PLCL1: variants seen among roughly 807,000 people sequenced by gnomAD.
PLCL1 encodes phospholipase C like 1 (inactive), also known as inactive phospholipase C-like protein 1.
In PLCL1, 41 loss-of-function variants were observed where a neutral mutation model predicts 84.4. The ratio of observed to expected loss-of-function variants is 0.49; its 90% CI spans 0.38 to 0.63. The LOEUF (loss-of-function observed/expected upper bound fraction) is 0.63, where lower values mean the gene tolerates loss of function less well. Ranked by LOEUF, PLCL1 falls within the 30% of genes least tolerant of loss-of-function variation. PLCL1 has a pLI of 0.00. For synonymous variants in PLCL1, 490 were observed against 488.3 expected, an observed-to-expected ratio of 1.00 and a Z score of -0.05; for missense variants, 1,206 against 1,367.8, an observed-to-expected ratio of 0.88 and a Z score of 1.87.
chr2:197,903,133 C>T (rs183052623), intron 1 of PLCL1, among the ~76,000 whole-genome samples: 1 of 152,048 alleles, frequency 6.6e-6, no homozygotes, highest in Non-Finnish European at 1.5e-5. Flanking sequence ...TAGGCGAAAC[C>T]ACGATAATTC....
intron 1 of PLCL1, among the ~76,000 whole-genome samples, chr2:198,052,041 C>T (rs1337770217): frequency 2.0e-5 from 3 of 152,222 alleles, no homozygotes; most frequent in Non-Finnish European, 4.4e-5. Context: ...TCCTGAGTAG[C>T]TGAGATTACA....
intron 1 of PLCL1, among the ~76,000 whole-genome samples, chr2:197,868,254 A>G (rs1687584563): frequency 6.6e-6 from 1 of 152,192 alleles, no homozygotes; most frequent in African/African-American, 2.4e-5. Context: ...ATGGCTAGGC[A>G]TTTACTGAAA....
intron 1 of PLCL1, among the ~76,000 whole-genome samples, chr2:197,931,037 G>A (rs945158825): frequency 3.9e-5 from 6 of 152,114 alleles, no homozygotes; most frequent in Admixed American, 6.6e-5. Context: ...AGGGTGGCAG[G>A]GCAGGTAAGT....
intron 5 of PLCL1, among the ~76,000 whole-genome samples, chr2:198,142,474 T>A (rs2105946770): frequency 6.6e-6 from 1 of 152,204 alleles, no homozygotes; most frequent in East Asian, 1.9e-4. Context: ...TTCTAGATAA[T>A]GTACTTTAAT....
At chr2:197,862,558 A>G (rs1241485539) in intron 1 of PLCL1, among the ~76,000 whole-genome samples, 1 of 152,124 alleles carries the variant, frequency 6.6e-6, no homozygotes, top group African/African-American at 2.4e-5. Flanking sequence ...CTGAGGAGGT[A>G]ATGAAGACCC....
intron 1 of PLCL1, among the ~76,000 whole-genome samples, chr2:197,815,089 C>T (rs1001283205): frequency 7.9e-5 from 12 of 152,120 alleles, no homozygotes; most frequent in African/African-American, 2.7e-4. Context: ...TAAAAAACCT[C>T]AAATTAGAAG....
chr2:197,971,986 T>C (rs191908116), intron 1 of PLCL1, among the ~76,000 whole-genome samples: 2 of 152,328 alleles, frequency 1.3e-5, no homozygotes, highest in East Asian at 3.9e-4. Context: ...TGCATTTTGG[T>C]TATCACAGAA....
chr2:197,937,445 T>TTC (rs1282804738), intron 1 of PLCL1, among the ~76,000 whole-genome samples: 1 of 152,222 alleles, frequency 6.6e-6, no homozygotes, highest in African/African-American at 2.4e-5. Flanking sequence ...CTTCTTCAAT[T>TTC]TCTCTCATTA....
chr2:197,854,085 C>T (rs1053793444), intron 1 of PLCL1, among the ~76,000 whole-genome samples: 1 of 152,138 alleles, frequency 6.6e-6, no homozygotes, highest in South Asian at 2.1e-4. Flanking sequence ...TTCTTACGCA[C>T]ATTATTAGCT....
At chr2:197,952,830 C>G (rs1027702106) in intron 1 of PLCL1, among the ~76,000 whole-genome samples, 3 of 152,070 alleles carry the variant, frequency 2.0e-5, no homozygotes, top group African/African-American at 4.8e-5. Context: ...CTCTCATTCT[C>G]TCTTGCCTGC....
intron 1 of PLCL1, among the ~76,000 whole-genome samples, chr2:197,939,767 T>C (rs188832395): frequency 1.1e-3 from 164 of 150,342 alleles, no homozygotes; most frequent in African/African-American, 3.9e-3. Context: ...CAATTCAACT[T>C]ATAACAGGAT....
At chr2:197,907,132 C>G (rs1688401083) in intron 1 of PLCL1, among the ~76,000 whole-genome samples, 1 of 152,148 alleles carries the variant, frequency 6.6e-6, no homozygotes, top group Admixed American at 6.5e-5. Flanking sequence ...CAGCACAAGA[C>G]AAGGATGCCC....
intron 2 of PLCL1, 45 bp downstream of exon 2, chr2:198,086,277 C>T (rs1692879733): frequency 7.8e-7 from 1 of 1,283,426 alleles, no homozygotes; most frequent in Non-Finnish European, 1.1e-6. Context: ...CTGCTTATTC[C>T]TACCCGTATA....
chr2:198,103,763 C>T lies in PLCL1; in HGVS notation c.2996-64C>T, dbSNP rs1693402085. 1.1e-5 allele frequency: 8 copies of T among 718,414 alleles called. No homozygotes were observed. In the Middle Eastern group the frequency reaches 9.7e-4, roughly 87 times the overall value. The allele number at this position is 718,414 out of a possible 1,614,324, so 44.5% of individuals were successfully genotyped here. A position where few individuals can be genotyped will look rare whatever the true frequency, so the allele number is the denominator to read the frequency against. ...AATTATATTTTACTGATAATATTTT[C>T]ATTATAAGATGCCCATTTTTCTGAG... On this transcript the variant is annotated intron_variant, in intron 4 of 5. Transcript: ENST00000428675.
chr2:198,037,777 A>C (rs1691580811), intron 1 of PLCL1, among the ~76,000 whole-genome samples: 1 of 152,186 alleles, frequency 6.6e-6, no homozygotes, highest in Non-Finnish European at 1.5e-5. Flanking sequence ...TGTAAATATA[A>C]AGAGTTATTG....
chr2:197,805,242 G>A lies in PLCL1; in HGVS notation c.143G>A (p.Gly48Glu), dbSNP rs947752339. 6 of 1,269,462 alleles carry A rather than the reference G, an allele frequency of 4.7e-6. No individual in the cohort carries two copies. The African/African-American group carries it at 7.7e-5, about 16-fold the overall frequency. 78.6% of individuals were successfully genotyped at this position (1,269,462 alleles called of 1,614,324 possible). A position where few individuals can be genotyped will look rare whatever the true frequency, so the allele number is the denominator to read the frequency against. ...SGGRMRDRRS[G>E]VALPGAAGTP... The stretch of plus-strand genomic sequence containing the variant: ...GGCCGGATGAGGGACCGTCGCAGCG[G>A]GGTCGCACTGCCAGGCGCCGCGGGG... Residue 48 changes from glycine to glutamate, a missense_variant, in exon 1 of 6, where the codon GGG (glycine) becomes GAG (glutamate). Physicochemically the swap from Gly to Glu is moderately conservative, Grantham distance 98 (BLOSUM62 -2). Coordinates refer to ENST00000428675, the MANE Select transcript of PLCL1 (RefSeq NM_006226.4). This position sits in a 1 kb window ranked among gnomAD's most constrained non-coding sequence, Gnocchi z 4.0.
intron 1 of PLCL1, among the ~76,000 whole-genome samples, chr2:197,913,289 C>T (rs1468394745): frequency 1.3e-5 from 2 of 152,132 alleles, no homozygotes; most frequent in Admixed American, 6.5e-5. Context: ...GTTAGAGTCC[C>T]GTATGCTAAT....
chr2:198,138,701 C>T (rs1454888035), intron 5 of PLCL1, among the ~76,000 whole-genome samples: 1 of 152,118 alleles, frequency 6.6e-6, no homozygotes, highest in African/African-American at 2.4e-5. Flanking sequence ...ATAATTGCTA[C>T]ACAGTAATAT....
chr2:198,125,834 A>G (rs1405780116), intron 5 of PLCL1, among the ~76,000 whole-genome samples: 2 of 152,166 alleles, frequency 1.3e-5, no homozygotes, highest in Non-Finnish European at 2.9e-5. Flanking sequence ...GAACAAAAAA[A>G]TATGGAAAAT....
Sources: gnomAD v4.1 joint callset for allele counts (sites outside exome capture counted in the v4.1 genomes callset) on GRCh38, gnomAD v4.1.1 for gene constraint, Gnocchi (gnomAD v3.1) non-coding constraint, MANE v1.5 for transcripts, NCBI Gene and HGNC (gene_info 2026-07-23, HGNC 2026-07-21) for gene names.